The following KIF21B variants were observed in gnomAD, a reference collection of about 807,000 sequenced individuals.
The protein encoded by KIF21B is kinesin family member 21B, also known as kinesin-like protein KIF21B.
A neutral mutation model predicts 192.9 loss-of-function variants in KIF21B; 85 were observed. That is an observed-to-expected ratio of 0.44 (90% CI 0.37 to 0.53). The LOEUF (loss-of-function observed/expected upper bound fraction) is 0.53, where lower values mean the gene tolerates loss of function less well. KIF21B is among the 20% of genes least tolerant of loss of function. The probability of loss-of-function intolerance (pLI) is 0.00; values close to 1 mark genes in which losing one functional copy is unlikely to be tolerated. For synonymous variants in KIF21B, 832 were observed against 884.6 expected, an observed-to-expected ratio of 0.94 and a Z score of 1.05; for missense variants, 1,716 against 2,194.8, an observed-to-expected ratio of 0.78 and a Z score of 4.36.
chr1:200,998,273 C>CT lies in KIF21B; in HGVS notation c.2077+110dup. 3 of 1,074,496 alleles carry CT rather than the reference C, an allele frequency of 2.8e-6. No homozygotes were observed. The highest frequency in any genetic ancestry group is 2.7e-6 in the Non-Finnish European group (2 of 741,080). 66.6% of individuals were successfully genotyped at this position (1,074,496 alleles called of 1,614,324 possible). On this transcript the variant is annotated intron_variant, in intron 14 of 34. Transcript: ENST00000461742. This position sits in a 1 kb window ranked among gnomAD's most constrained non-coding sequence, Gnocchi z 4.3. ...ACCACAGTCAAAGGTTGGGAAGTCC[C>CT]TTGCCTAGAAGGCCAGGATAACCCC...
chr1:201,000,585 G>A lies in KIF21B; in HGVS notation c.1490C>T (p.Ala497Val), dbSNP rs145642006. The A allele has an allele frequency of 1.1e-5, 17 of 1,613,316 alleles. No individual in the cohort carries two copies. In the African/African-American group the frequency reaches 2.3e-4, roughly 22 times the overall value. Residue 497 changes from alanine to valine, a missense_variant, in exon 11 of 35, where the codon GCC (alanine) becomes GTC (valine). This residue lies in a region of KIF21B where 1,087 missense variants were observed against 1,316.6 expected (regional missense o/e 0.83). Transcript: ENST00000461742. The surrounding 1 kb of genome is among the most constrained non-coding windows in gnomAD (Gnocchi z 6.0). ...GCTGCGGCGCAGGGACTCGTTCATGGCTTCACTCTCTAGAAGCTTAGTCCT... is the reference window on the plus strand; with the variant it reads ...GCTGCGGCGCAGGGACTCGTTCATGACTTCACTCTCTAGAAGCTTAGTCCT... ...ELRTKLLESE[A>V]MNESLRRSLS...
At chr1:200,978,315 C>G (rs934136820) in intron 30 of KIF21B, among the ~76,000 whole-genome samples, 1 of 151,904 alleles carries the variant, frequency 6.6e-6, no homozygotes, top group African/African-American at 2.4e-5. Flanking sequence ...TCACAAAGTG[C>G]TGCGATTACA....
chr1:200,972,729 CAG>C lies in KIF21B; in HGVS notation c.*790_*791del, dbSNP rs1655285668. 1 of 152,564 alleles carries C rather than the reference CAG, an allele frequency of 6.6e-6. No individual in the cohort carries two copies. Among genetic ancestry groups the C allele is most frequent in the African/African-American group, 2.4e-5 (1 of 41,426 alleles). 9.5% of individuals were successfully genotyped at this position (152,564 alleles called of 1,614,324 possible). On this transcript the variant is annotated 3_prime_UTR_variant, in exon 35 of 35. Transcript: ENST00000461742. ...GCAGTTCCCTCCTCTGCAAAGCAAA[CAG>C]AGGAGGCGGCCCTGGAGGGCCGGGG...
In KIF21B at chr1:200,976,352, A is replaced by G. The variant is rs561277884; in HGVS notation, c.4443+424T>C. 2.6e-5 allele frequency among the ~76,000 whole-genome samples: 4 copies of G among 152,320 alleles called. No homozygotes were observed. In the South Asian group the frequency reaches 8.3e-4, roughly 32 times the overall value. ...AGTGATCCTCCCACCTCAGCCTCCC[A>G]AAGTGCTAGGATTACAGATGTCAGC... On this transcript the variant is annotated intron_variant, in intron 32 of 34. Coordinates refer to ENST00000461742, the MANE Select transcript of KIF21B (RefSeq NM_001252102.2).
chr1:200,988,386 G>A (rs369968230), intron 23 of KIF21B, 33 bp from the exon 24 acceptor site: 1 of 1,613,624 alleles, frequency 6.2e-7, no homozygotes, highest in South Asian at 1.1e-5. Flanking sequence ...TCAGGATCCT[G>A]AGGAGCCCCC....
At position 200,998,007 on chromosome 1, in the gene KIF21B, T is replaced by C. The variant is rs1657189629; in HGVS notation, c.2077+377A>G. ...AGTAAATCAATGAATGAATAAAAAA[T>C]GGAATGAATGGGCTGAAGAGCAGCA... is the stretch of plus-strand genomic sequence containing the variant. On this transcript the variant is annotated intron_variant, in intron 14 of 34. Coordinates refer to ENST00000461742, the MANE Select transcript of KIF21B (RefSeq NM_001252102.2). The surrounding 1 kb of genome is among the most constrained non-coding windows in gnomAD (Gnocchi z 4.3). 6.6e-6 allele frequency among the ~76,000 whole-genome samples: 1 copy of C among 151,868 alleles called. No individual in the cohort carries two copies. Among genetic ancestry groups the C allele is most frequent in the African/African-American group, 2.4e-5 (1 of 41,328 alleles).
chr1:200,973,678 C>T (rs1655346764), intron 34 of KIF21B, 100 bp from the exon 35 acceptor site: 1 of 1,506,746 alleles, frequency 6.6e-7, no homozygotes, highest in Admixed American at 2.4e-5. Flanking sequence ...CCCCAAACTC[C>T]CCAAATGTGG....
Position 200,990,309 on chromosome 1 carries a change from C to A in KIF21B, c.2859G>T (p.Leu953=). ...CCCGCTTCCTCCGCAGTGCCTCCTG[C>A]AGGAGGAACAGCTCCTCCCTTTTCT... ...LIKKREELFL[L]QEALRRKRER... The change falls in exon 20 of 35, where the codon CTG becomes CTT. Residue 953 remains leucine (L), a synonymous_variant. Transcript: ENST00000461742. The surrounding 1 kb of genome is among the most constrained non-coding windows in gnomAD (Gnocchi z 5.4). 6.2e-7 allele frequency: 1 copy of A among 1,611,930 alleles called. No homozygotes were observed. Among genetic ancestry groups the A allele is most frequent in the Non-Finnish European group, 8.5e-7 (1 of 1,179,288 alleles).
chr1:200,983,173 G>A (rs927318750), intron 27 of KIF21B, 79 bp from the exon 28 acceptor site: 1 of 1,280,518 alleles, frequency 7.8e-7, no homozygotes, highest in African/African-American at 1.5e-5. Flanking sequence ...GCAGCAGTGT[G>A]TGGGGTGGTC....
In KIF21B at chr1:200,988,941, G is replaced by A; in HGVS notation, c.3133-10C>T. 6.2e-7 allele frequency: 1 copy of A among 1,605,228 alleles called. No homozygotes were observed. Among genetic ancestry groups the A allele is most frequent in the Non-Finnish European group, 8.5e-7 (1 of 1,175,830 alleles). On this transcript the variant is annotated splice_polypyrimidine_tract_variant and intron_variant, in intron 21 of 34. Transcript: ENST00000461742. ...GTGCCACTTGCAGCCCCTGGGGGCA[G>A]GGAACAAAGCCTGGAGTTACCCCTC...
chr1:201,018,385 G>A (rs1022146155), intron 1 of KIF21B, among the ~76,000 whole-genome samples: 4 of 152,242 alleles, frequency 2.6e-5, no homozygotes, highest in Non-Finnish European at 4.4e-5. Flanking sequence ...TAGGACCATG[G>A]TGGTGCCAGG....
chr1:200,999,919 C>A lies in KIF21B; in HGVS notation c.1731G>T (p.Glu577Asp). 1 of 1,614,054 alleles carries A rather than the reference C, an allele frequency of 6.2e-7. No homozygotes were observed. ...CGTTCTCATCCGTCTCCTCGCTGTT[C>A]TCCTGTTGGAGTTTTGCCCTCTTTT... ...AFKKRAKLQQ[E>D]NSEETDENEA... The change falls in exon 12 of 35, where the codon GAG becomes GAT. Residue 577 changes from glutamate to aspartate, a missense_variant. Physicochemically the swap from Glu to Asp is conservative, Grantham distance 45 (BLOSUM62 2). This residue lies in a region of KIF21B where 1,087 missense variants were observed against 1,316.6 expected (regional missense o/e 0.83). Coordinates refer to ENST00000461742, the MANE Select transcript of KIF21B (RefSeq NM_001252102.2). The surrounding 1 kb of genome is among the most constrained non-coding windows in gnomAD (Gnocchi z 4.7).
At chr1:200,985,380 T>A (rs546838889) in intron 26 of KIF21B, among the ~76,000 whole-genome samples, 1 of 152,218 alleles carries the variant, frequency 6.6e-6, no homozygotes, top group South Asian at 2.1e-4. Context: ...CCCAGCTACT[T>A]GAGAGTCTAA....
chr1:201,019,788 G>T (rs1251888972), intron 1 of KIF21B, among the ~76,000 whole-genome samples: 1 of 152,062 alleles, frequency 6.6e-6, no homozygotes, highest in East Asian at 1.9e-4. Context: ...CTGGACACAG[G>T]TGGCATTGAT....
intron 3 of KIF21B, among the ~76,000 whole-genome samples, chr1:201,007,682 GCA>G (rs1266401640): frequency 1.9e-5 from 2 of 105,658 alleles, no homozygotes; most frequent in African/African-American, 7.3e-5. Flanking sequence ...ATAGACACAC[GCA>G]CAGACACACA....
Position 200,991,107 on chromosome 1 carries a change from C to T in KIF21B, c.2497G>A (p.Val833Met). The change falls in exon 18 of 35, where the codon GTG (valine) becomes ATG (methionine). Residue 833 changes from valine to methionine, a missense_variant. Coordinates refer to ENST00000461742, the MANE Select transcript of KIF21B (RefSeq NM_001252102.2). ...RRLAKPMSERVAGRAGLKPPM... is the reference protein window; with the variant it reads ...RRLAKPMSERMAGRAGLKPPM... Reference sequence around the variant, plus strand: ...GGCTTTAGTCCTGCACGCCCTGCCACCCGCTCAGACATGGGCTTGGCCAGG... The same window carrying T: ...GGCTTTAGTCCTGCACGCCCTGCCATCCGCTCAGACATGGGCTTGGCCAGG... The T allele has an allele frequency of 6.2e-7, 1 of 1,613,880 alleles. No individual in the cohort carries two copies. The highest frequency in any genetic ancestry group is 8.5e-7 in the Non-Finnish European group (1 of 1,179,982).
In KIF21B at chr1:200,994,410, C is replaced by T. The variant is rs528952906; in HGVS notation, c.2277+1786G>A. On this transcript the variant is annotated intron_variant, in intron 15 of 34. Coordinates refer to ENST00000461742, the MANE Select transcript of KIF21B (RefSeq NM_001252102.2). ...CTGATTTGAATCCTCGGCTGCTGCA[C>T]CTTCTGTCCCTCCAACAGAAAACCT... Among the ~76,000 whole-genome samples the T allele has an allele frequency of 2.6e-5, 4 of 151,914 alleles. No individual in the cohort carries two copies. In the South Asian group the frequency reaches 8.3e-4, roughly 31 times the overall value.
At chr1:201,006,435 G>C (rs1297137615) in intron 3 of KIF21B, among the ~76,000 whole-genome samples, 2 of 152,182 alleles carry the variant, frequency 1.3e-5, no homozygotes, top group Admixed American at 1.3e-4. Context: ...AGGGATGGGG[G>C]CAGCTAGGGC....
chr1:200,999,398 C>T lies in KIF21B; in HGVS notation c.1836G>A (p.Ser612=), dbSNP rs201900169. ...EEGREDEDED[S]GSEESLVDSD... ...AGTCCACCAGGCTCTCTTCACTGCC[C>T]GAGTCCTCATCTTCATCCTCGCGCC... The change falls in exon 13 of 35, where the codon TCG becomes TCA. Residue 612 remains serine, a synonymous_variant. Transcript: ENST00000461742. The surrounding 1 kb of genome is among the most constrained non-coding windows in gnomAD (Gnocchi z 4.7). 2.6e-5 allele frequency: 42 copies of T among 1,614,122 alleles called. No individual in the cohort carries two copies. In the East Asian group the frequency reaches 5.6e-4, roughly 21 times the overall value.
Sources: allele counts gnomAD v4.1 joint callset (sites outside exome capture counted in the v4.1 genomes callset), GRCh38; gene constraint gnomAD v4.1.1; regional missense constraint gnomAD v4.1.1; non-coding constraint Gnocchi (gnomAD v3.1); transcripts MANE v1.5; gene names NCBI Gene and HGNC (gene_info 2026-07-23, HGNC 2026-07-21).